Variants in ABCC12 observed in about 807,000 individuals in gnomAD.
ABCC12 encodes the protein ATP binding cassette subfamily C member 12, also known as ATP-binding cassette sub-family C member 12.
Under a neutral mutation model 151.1 loss-of-function variants are expected in ABCC12, and 142 were observed. The ratio of observed to expected loss-of-function variants is 0.94; its 90% CI spans 0.82 to 1.08. The LOEUF (loss-of-function observed/expected upper bound fraction) is 1.08. Ranked by LOEUF, ABCC12 falls within the 50% of genes least tolerant of loss-of-function variation. The pLI is 0.00. For synonymous variants in ABCC12, 645 were observed against 646.4 expected, an observed-to-expected ratio of 1.00 and a Z score of 0.03; for missense variants, 1,638 against 1,691.1, an observed-to-expected ratio of 0.97 and a Z score of 0.55.
At chr16:48,089,023 G>T (rs1177185873) in intron 25 of ABCC12, among the ~76,000 whole-genome samples, 1 of 152,220 alleles carries the variant, frequency 6.6e-6, no homozygotes, top group African/African-American at 2.4e-5. Context: ...TGAGGTTTCA[G>T]GAAGGCACCT....
intron 6 of ABCC12, among the ~76,000 whole-genome samples, chr16:48,139,950 C>T (rs553639195): frequency 6.6e-6 from 1 of 152,204 alleles, no homozygotes; most frequent in Non-Finnish European, 1.5e-5. Flanking sequence ...TAAAGAAAAG[C>T]AGAAAGATCT....
chr16:48,108,627 G>C (rs1276055191), intron 18 of ABCC12, 98 bp from the exon 19 acceptor site: 4 of 877,662 alleles, frequency 4.6e-6, no homozygotes, highest in Non-Finnish European at 1.8e-6. Flanking sequence ...CACGGCTAAG[G>C]GGGCTGTGAT....
intron 9 of ABCC12, 52 bp from the exon 10 acceptor site, chr16:48,130,947 T>C (rs754408760): frequency 7.6e-6 from 10 of 1,324,086 alleles, no homozygotes; most frequent in South Asian, 4.8e-5. Context: ...TCACGTTGGC[T>C]CTAAACCGTT....
At chr16:48,107,781 C>T (rs1413831130) in intron 19 of ABCC12, among the ~76,000 whole-genome samples, 5 of 152,196 alleles carry the variant, frequency 3.3e-5, no homozygotes, top group African/African-American at 1.2e-4. Context: ...GCAGGCGGAT[C>T]ACCTGAGGTC....
rs1488857291 is a variant in ABCC12 at position 48,141,239 on chromosome 16, G to GTTGGCCACGATGTCCA, written c.374_389dup (p.Ile131GlyfsTer28). 1.2e-6 allele frequency: 2 copies of GTTGGCCACGATGTCCA among 1,614,056 alleles called. No homozygotes were observed. The highest frequency in any genetic ancestry group is 1.7e-6 in the Non-Finnish European group (2 of 1,180,022). ...TGGCTGCCATGATGATGCACAGGAT[G>GTTGGCCACGATGTCCA]TTGGCCACGATGTCCATCAACACGC... On this transcript the variant is annotated frameshift_variant, in exon 5 of 31. Coordinates refer to ENST00000311303, the MANE Select transcript of ABCC12 (RefSeq NM_001393797.1). LOFTEE classifies it high-confidence loss of function.
At chr16:48,140,537 C>T (rs1339452242) in intron 6 of ABCC12, 150 bp downstream of exon 6, 1 of 763,058 alleles carries the variant, frequency 1.3e-6, no homozygotes, top group African/African-American at 1.7e-5. Context: ...TGTGTCTCCA[C>T]CACCTCACTT....
chr16:48,147,154 A>C (rs1965031889), intron 2 of ABCC12, among the ~76,000 whole-genome samples: 1 of 152,148 alleles, frequency 6.6e-6, no homozygotes, highest in Non-Finnish European at 1.5e-5. Flanking sequence ...GCCCCAAATG[A>C]AAACCAACAA....
chr16:48,090,272 G>A (rs1962823081), intron 25 of ABCC12, among the ~76,000 whole-genome samples: 1 of 152,156 alleles, frequency 6.6e-6, no homozygotes, highest in African/African-American at 2.4e-5. Context: ...CTGTTGCACA[G>A]GCTGGAGTGC....
rs756055445 is a variant in ABCC12, at chr16:48,111,677, A to ACAGG, written c.2125-16_2125-15insCCTG. ...TGTTCAGGATCCTGGAGACAAAATG[A>ACAGG]AATTCCTTCTGAATGCTAAGTGACA... On this transcript the variant is annotated splice_polypyrimidine_tract_variant and intron_variant, in intron 16 of 30. Coordinates refer to ENST00000311303, the MANE Select transcript of ABCC12 (RefSeq NM_001393797.1). 14 of 1,614,014 alleles carry ACAGG rather than the reference A, an allele frequency of 8.7e-6. No individual in the cohort carries two copies. The highest frequency in any genetic ancestry group is 1.2e-5 in the Non-Finnish European group (14 of 1,180,026).
At chr16:48,117,379 GCACTGCTGCCCTGGGCTGCTTCCA>G in intron 13 of ABCC12, 46 bp from the exon 14 acceptor site, 1 of 1,598,604 alleles carries the variant, frequency 6.3e-7, no homozygotes. Context: ...AAGACCCCAA[GCACTGCTGCCCTGGGCTGCTTCCA>G]CAGGCGCTGC....
chr16:48,154,826 C>T (rs1009240457), intron 1 of ABCC12, among the ~76,000 whole-genome samples: 2 of 152,266 alleles, frequency 1.3e-5, no homozygotes, highest in African/African-American at 4.8e-5. Context: ...AAAGCAGGCA[C>T]ACCTTTAGTC....
At chr16:48,151,186 T>C (rs2150686615) in intron 2 of ABCC12, among the ~76,000 whole-genome samples, 1 of 152,346 alleles carries the variant, frequency 6.6e-6, no homozygotes, top group East Asian at 1.9e-4. Context: ...GTTGATAACG[T>C]GTACCCTTAA....
intron 29 of ABCC12, among the ~76,000 whole-genome samples, chr16:48,084,600 C>A (rs924456410): frequency 6.6e-6 from 1 of 152,244 alleles, no homozygotes; most frequent in Non-Finnish European, 1.5e-5. Flanking sequence ...TGGCCCACAG[C>A]CCCTCCTGGC....
Position 48,105,196 on chromosome 16 carries a change from G to C in ABCC12, c.2616C>G (p.Val872=), listed in dbSNP as rs1963446414. 6.2e-7 allele frequency: 1 copy of C among 1,614,206 alleles called. No individual in the cohort carries two copies. Among genetic ancestry groups the C allele is most frequent in the Non-Finnish European group, 8.5e-7 (1 of 1,180,036 alleles). Residue 872 remains valine, a synonymous_variant, in exon 21 of 31, where the codon GTC becomes GTG. Transcript: ENST00000311303. Reference sequence around the variant, plus strand: ...ATGCCATCAGTGTGGTCTTGGTGAAGACGAAGCCTTTGGTGACGCCAAACA... The same window carrying C: ...ATGCCATCAGTGTGGTCTTGGTGAACACGAAGCCTTTGGTGACGCCAAACA... ...MLVFGVTKGF[V]FTKTTLMASS...
At chr16:48,088,778 T>C in intron 25 of ABCC12, 44 bp from the exon 26 acceptor site, 1 of 1,504,408 alleles carries the variant, frequency 6.6e-7, no homozygotes, top group Non-Finnish European at 9.1e-7. Flanking sequence ...GCCATTTGTT[T>C]TTTCACTTAT....
In ABCC12 at chr16:48,153,815, G is replaced by C. The variant is rs1422622443; in HGVS notation, c.-250C>G. On this transcript the variant is annotated 5_prime_UTR_variant, in exon 2 of 31. It introduces an in-frame stop codon into an upstream open reading frame of the 5' UTR. Coordinates refer to ENST00000311303, the MANE Select transcript of ABCC12 (RefSeq NM_001393797.1). ...TCCTTGAGTGCTCCCCAGGGCATGT[G>C]AAGTTTTGATGATCTGAGGCGGCTT... 1 of 152,200 alleles carries C rather than the reference G, an allele frequency of 6.6e-6. No homozygotes were observed. The highest frequency in any genetic ancestry group is 1.5e-5 in the Non-Finnish European group (1 of 68,044). The allele number at this position is 152,200 out of a possible 1,614,324, so 9.4% of individuals were successfully genotyped here.
At chr16:48,095,341 GC>G (rs113615655) in intron 24 of ABCC12, among the ~76,000 whole-genome samples, 8,323 of 152,192 alleles carry the variant, frequency 0.055, 720 homozygotes, top group African/African-American at 0.19. Flanking sequence ...GGCCTCCCCA[GC>G]CACGTGGAAC....
At position 48,153,757 on chromosome 16, in the gene ABCC12, G is replaced by GC. The variant is rs1226230024; in HGVS notation, c.-193dup. ...CTCCCTGGCCAGGTTTGAGTAATCA[G>GC]CGCGCATAGGAAATTGGTGCTAGAA... On this transcript the variant is annotated 5_prime_UTR_variant, in exon 2 of 31. The change abolishes the stop of an existing upstream ORF in the 5' untranslated region. Transcript: ENST00000311303. The GC allele has an allele frequency of 6.6e-6, 1 of 152,236 alleles. No individual in the cohort carries two copies. The highest frequency in any genetic ancestry group is 6.5e-5 in the Admixed American group (1 of 15,284). 9.4% of individuals were successfully genotyped at this position (152,236 alleles called of 1,614,324 possible). A position where few individuals can be genotyped will look rare whatever the true frequency, so the allele number is the denominator to read the frequency against.
chr16:48,141,366 AAC>A lies in ABCC12; in HGVS notation c.276-15_276-14del, dbSNP rs1567457727. The A allele has an allele frequency of 6.2e-7, 1 of 1,613,136 alleles. No homozygotes were observed. The highest frequency in any genetic ancestry group is 1.3e-5 in the African/African-American group (1 of 74,374). On this transcript the variant is annotated splice_polypyrimidine_tract_variant and intron_variant, in intron 4 of 30. Coordinates refer to ENST00000311303, the MANE Select transcript of ABCC12 (RefSeq NM_001393797.1). ...AAGGACTCGAAATCTGTGATGAAAA[AAC>A]AGAAGCATAAAATGGATTGGCACTT... is the stretch of plus-strand genomic sequence containing the variant.
Sources: gnomAD v4.1 joint callset for allele counts (sites outside exome capture counted in the v4.1 genomes callset) on GRCh38, gnomAD v4.1.1 for gene constraint, MANE v1.5 for transcripts, NCBI Gene and HGNC (gene_info 2026-07-23, HGNC 2026-07-21) for gene names.